KIF2A: variants seen among roughly 807,000 people sequenced by gnomAD.
KIF2A encodes the protein kinesin family member 2A.
In KIF2A, 22 loss-of-function variants were observed where a neutral mutation model predicts 100.2. The ratio of observed to expected loss-of-function variants is 0.22; its 90% CI spans 0.16 to 0.31. The LOEUF is 0.31. Among genes scored for constraint, KIF2A ranks in the 10% least tolerant of loss-of-function variants. The pLI is 1.00. For synonymous variants in KIF2A, 268 were observed against 285.9 expected, an observed-to-expected ratio of 0.94 and a Z score of 0.63; for missense variants, 495 against 898.7, an observed-to-expected ratio of 0.55 and a Z score of 5.74.
chr5:62,339,913 A>G (rs1219310616), intron 1 of KIF2A, among the ~76,000 whole-genome samples: 2 of 151,166 alleles, frequency 1.3e-5, no homozygotes, highest in African/African-American at 4.9e-5. Flanking sequence ...ATTATCTCAA[A>G]TATCTGGGTA....
intron 1 of KIF2A, among the ~76,000 whole-genome samples, chr5:62,344,328 CAG>C (rs1436380459): frequency 9.6e-5 from 14 of 146,480 alleles, no homozygotes; most frequent in African/African-American, 3.5e-4. Flanking sequence ...AACCTGGTGA[CAG>C]AGCGCGACTC....
At chr5:62,368,200 C>A (rs1241597060) in intron 16 of KIF2A, among the ~76,000 whole-genome samples, 2 of 151,898 alleles carry the variant, frequency 1.3e-5, no homozygotes, top group African/African-American at 2.4e-5. Flanking sequence ...GAATAACATG[C>A]CTTATTCATC....
At chr5:62,318,758 T>C (rs1445928381) in intron 1 of KIF2A, among the ~76,000 whole-genome samples, 1 of 152,202 alleles carries the variant, frequency 6.6e-6, no homozygotes, top group Non-Finnish European at 1.5e-5. Context: ...TAGTATTCTC[T>C]TTCTGGGTAA....
At chr5:62,315,854 A>C (rs1745794117) in intron 1 of KIF2A, among the ~76,000 whole-genome samples, 1 of 152,210 alleles carries the variant, frequency 6.6e-6, no homozygotes, top group Non-Finnish European at 1.5e-5. Flanking sequence ...TCAGTCTAGG[A>C]GGGTGAGCAA....
At chr5:62,364,454 CTTAA>C (rs1250579706) in intron 14 of KIF2A, among the ~76,000 whole-genome samples, 4 of 151,988 alleles carry the variant, frequency 2.6e-5, no homozygotes, top group African/African-American at 9.7e-5. Flanking sequence ...CCCAGAGGGT[CTTAA>C]TTAGTCATAT....
intron 6 of KIF2A, among the ~76,000 whole-genome samples, chr5:62,353,658 T>C (rs945665465): frequency 3.3e-5 from 5 of 152,190 alleles, no homozygotes; most frequent in Non-Finnish European, 7.4e-5. Context: ...GTGTATGGTG[T>C]AACATTTAAG....
At chr5:62,324,074 A>C (rs1307983421) in intron 1 of KIF2A, among the ~76,000 whole-genome samples, 1 of 152,120 alleles carries the variant, frequency 6.6e-6, no homozygotes, top group Non-Finnish European at 1.5e-5. Context: ...TTTAATGAAA[A>C]TTCTTTTTCA....
At chr5:62,327,328 C>G (rs1561253337) in intron 1 of KIF2A, among the ~76,000 whole-genome samples, 1 of 152,112 alleles carries the variant, frequency 6.6e-6, no homozygotes, top group Admixed American at 6.5e-5. Flanking sequence ...ATTGCCTAAT[C>G]ACCCCATCGC....
chr5:62,336,758 A>G (rs1465083366), intron 1 of KIF2A, among the ~76,000 whole-genome samples: 3 of 152,254 alleles, frequency 2.0e-5, no homozygotes, highest in Non-Finnish European at 4.4e-5. Context: ...AATATGCCCA[A>G]AGTAAGTTGA....
intron 1 of KIF2A, among the ~76,000 whole-genome samples, chr5:62,311,175 G>A (rs1422798326): frequency 2.0e-5 from 3 of 152,170 alleles, no homozygotes; most frequent in Non-Finnish European, 4.4e-5. Context: ...GTCAATGGCA[G>A]CCAGGAACCT....
At chr5:62,308,408 G>A (rs1745410897) in intron 1 of KIF2A, 4 of 1,309,874 alleles carry the variant, frequency 3.1e-6, no homozygotes. Flanking sequence ...TACACCCAAG[G>A]GAGAGGAAAT....
At chr5:62,327,746 C>T (rs373414490) in intron 1 of KIF2A, among the ~76,000 whole-genome samples, 44 of 152,196 alleles carry the variant, frequency 2.9e-4, no homozygotes, top group African/African-American at 8.9e-4. Flanking sequence ...TTTTCCTAAC[C>T]GAAATTGGCC....
At chr5:62,367,398 CT>C (rs1322645529) in intron 16 of KIF2A, among the ~76,000 whole-genome samples, 3 of 152,202 alleles carry the variant, frequency 2.0e-5, no homozygotes, top group African/African-American at 7.2e-5. Context: ...CCCTGGGTAG[CT>C]GGGACCATAG....
intron 1 of KIF2A, among the ~76,000 whole-genome samples, chr5:62,344,472 C>G (rs1411019406): frequency 2.6e-5 from 4 of 152,002 alleles, no homozygotes; most frequent in Non-Finnish European, 4.4e-5. Flanking sequence ...TTAAAGAAAT[C>G]TGACACATGA....
In KIF2A at chr5:62,355,379, C is replaced by T. The variant is rs1452011341; in HGVS notation, c.654+125C>T. 5 of 572,874 alleles carry T rather than the reference C, an allele frequency of 8.7e-6. No homozygotes were observed. In the Admixed American group the frequency reaches 1.7e-4, roughly 19 times the overall value. 35.5% of individuals were successfully genotyped at this position (572,874 alleles called of 1,614,324 possible). ...TTTCCTTTCCTTGTGGGTGCTCATT[C>T]CCCATATTTTAAGAAGAAAATCAAG... On this transcript the variant is annotated intron_variant, in intron 7 of 20. Coordinates refer to ENST00000407818, the MANE Select transcript of KIF2A (RefSeq NM_001098511.3).
Position 62,366,322 on chromosome 5 carries a change from G to T in KIF2A, c.1579-92G>T, listed in dbSNP as rs1358442811. ...AAGTCTTTATTTTTAAATAACCATG[G>T]TAAGATTAGACCTAAATGAGCTGTA... On this transcript the variant is annotated intron_variant, in intron 15 of 20. Coordinates refer to ENST00000407818, the MANE Select transcript of KIF2A (RefSeq NM_001098511.3). The T allele has an allele frequency of 6.8e-6, 5 of 735,926 alleles. No individual in the cohort carries two copies. In the East Asian group the frequency reaches 1.1e-4, roughly 16 times the overall value. The allele number at this position is 735,926 out of a possible 1,614,324, so 45.6% of individuals were successfully genotyped here.
Position 62,381,074 on chromosome 5 carries a change from TG to T in KIF2A, c.2014-43del, listed in dbSNP as rs200069729. ...AACAGAATTGTAATTTGGTTTCTGT[TG>T]CACAAAGATGCTTATTGGATTATCG... On this transcript the variant is annotated intron_variant, in intron 19 of 20. Transcript: ENST00000407818. 1,780 of 1,502,954 alleles carry T rather than the reference TG, an allele frequency of 1.2e-3. 22 individuals are homozygous for T. In the African/African-American group the frequency reaches 0.023, roughly 19 times the overall value. The allele number at this position is 1,502,954 out of a possible 1,614,324, so 93.1% of individuals were successfully genotyped here. A position where few individuals can be genotyped will look rare whatever the true frequency, so the allele number is the denominator to read the frequency against.
At chr5:62,377,596 A>G in intron 18 of KIF2A, 65 bp from the exon 19 acceptor site, 2 of 873,650 alleles carry the variant, frequency 2.3e-6, no homozygotes, top group Non-Finnish European at 3.3e-6. Flanking sequence ...AAATTAAAAA[A>G]AACTACTTTT....
intron 1 of KIF2A, among the ~76,000 whole-genome samples, chr5:62,336,816 TAAA>T (rs952869185): frequency 6.6e-6 from 1 of 152,102 alleles, no homozygotes; most frequent in East Asian, 1.9e-4. Flanking sequence ...TAACACCTAA[TAAA>T]AAAGACTCAA....
Sources: gnomAD v4.1 joint callset for allele counts (sites outside exome capture counted in the v4.1 genomes callset) on GRCh38, gnomAD v4.1.1 for gene constraint, MANE v1.5 for transcripts, NCBI Gene and HGNC (gene_info 2026-07-23, HGNC 2026-07-21) for gene names.